Variants in GBE1 observed in about 807,000 individuals in gnomAD.
GBE1 encodes 1,4-alpha-glucan-branching enzyme.
In GBE1, 70 loss-of-function variants were observed where a neutral mutation model predicts 88.8. That is an observed-to-expected ratio of 0.79 (90% CI 0.65 to 0.96). The LOEUF is 0.96. GBE1 is among the 40% of genes least tolerant of loss of function. The pLI is 0.00. For synonymous variants in GBE1, 284 were observed against 300.1 expected (o/e 0.95, Z 0.56); for missense variants, 872 against 871.0 (o/e 1.00, Z -0.01).
At chr3:81,560,862 T>C (rs1478541797) in intron 12 of GBE1, among the ~76,000 whole-genome samples, 2 of 152,060 alleles carry the variant, frequency 1.3e-5, no homozygotes, top group East Asian at 3.8e-4. Context: ...TTTTGTTAAT[T>C]GTAGACGTAT....
chr3:81,551,327 G>A (rs533969186), intron 12 of GBE1, among the ~76,000 whole-genome samples: 9 of 152,130 alleles, frequency 5.9e-5, no homozygotes, highest in Admixed American at 1.3e-4. Flanking sequence ...AACATGATGG[G>A]GGGTGCTGGA....
chr3:81,591,037 C>A lies in GBE1; in HGVS notation c.1236G>T (p.Glu412Asp). The change falls in exon 9 of 16, where the codon GAG becomes GAT. Residue 412 changes from glutamate (E) to aspartate (D), a missense_variant and splice_region_variant. Physicochemically the swap from Glu to Asp is conservative, Grantham distance 45. Transcript: ENST00000429644. ...TLCPDSITIA[E>D]DVSGMPALCS... is the part of the protein sequence containing the mutation. ...AGGTAAGACTTCACTATGGCTTTACCTCAGCTATTGTTATAGAATCGGGAC... is the reference window on the plus strand; with the variant it reads ...AGGTAAGACTTCACTATGGCTTTACATCAGCTATTGTTATAGAATCGGGAC... 1.2e-6 allele frequency: 2 copies of A among 1,605,798 alleles called. No homozygotes were observed. The highest frequency in any genetic ancestry group is 1.1e-5 in the South Asian group (1 of 89,418).
chr3:81,622,144 C>G (rs996206789), intron 7 of GBE1, among the ~76,000 whole-genome samples: 1 of 152,170 alleles, frequency 6.6e-6, no homozygotes, highest in Non-Finnish European at 1.5e-5. Flanking sequence ...TCTACACTTG[C>G]TGCCTTCACT....
At chr3:81,750,127 G>C (rs1257555165) in intron 1 of GBE1, among the ~76,000 whole-genome samples, 1 of 152,068 alleles carries the variant, frequency 6.6e-6, no homozygotes, top group South Asian at 2.1e-4. Flanking sequence ...CAAGAGGATG[G>C]AAGACTCCAA....
chr3:81,669,325 C>A (rs1705156187), intron 3 of GBE1, among the ~76,000 whole-genome samples: 1 of 151,898 alleles, frequency 6.6e-6, no homozygotes, highest in African/African-American at 2.4e-5. Context: ...AGGAAACAGG[C>A]AGAAAAAATT....
chr3:81,660,621 C>G (rs1165515299), intron 3 of GBE1, among the ~76,000 whole-genome samples: 2 of 151,774 alleles, frequency 1.3e-5, no homozygotes, highest in East Asian at 3.9e-4. Context: ...TTCATGAGAA[C>G]ATATAATTTT....
At chr3:81,681,027 G>C (rs895979927) in intron 2 of GBE1, among the ~76,000 whole-genome samples, 1 of 152,226 alleles carries the variant, frequency 6.6e-6, no homozygotes, top group African/African-American at 2.4e-5. Flanking sequence ...GTTTTGGTCT[G>C]AACCTGACTA....
In GBE1 at chr3:81,750,697, A is replaced by ATT. The variant is rs68113250; in HGVS notation, c.143+10676_143+10677dup. Reference sequence around the variant, plus strand: ...TACGTATATATATATATATATATGTATTTTTTTTTTTTTGGCTCTGTCGCC... The same window carrying ATT: ...TACGTATATATATATATATATATGTATTTTTTTTTTTTTTTGGCTCTGTCGCC... On this transcript the variant is annotated intron_variant, in intron 1 of 15. Transcript: ENST00000429644. 4.8e-4 allele frequency among the ~76,000 whole-genome samples: 38 copies of ATT among 78,948 alleles called. 6 individuals carry two copies. The highest frequency in any genetic ancestry group is 6.9e-4 in the Admixed American group (5 of 7,256). 51.8% of individuals were successfully genotyped at this position (78,948 alleles called of 152,430 possible).
chr3:81,687,271 A>T (rs1286200812), intron 2 of GBE1, among the ~76,000 whole-genome samples: 1 of 152,214 alleles, frequency 6.6e-6, no homozygotes, highest in African/African-American at 2.4e-5. Flanking sequence ...AGGGAAAGAA[A>T]GCAGCAGATG....
At chr3:81,741,756 C>T (rs895031643) in intron 1 of GBE1, among the ~76,000 whole-genome samples, 56 of 149,062 alleles carry the variant, frequency 3.8e-4, no homozygotes, top group Non-Finnish European at 6.2e-4. Context: ...AAGTATAATA[C>T]TCTATATAAT....
At chr3:81,613,598 T>C (rs1201267812) in intron 7 of GBE1, among the ~76,000 whole-genome samples, 1 of 151,506 alleles carries the variant, frequency 6.6e-6, no homozygotes, top group African/African-American at 2.4e-5. Flanking sequence ...AAGGGGTGAG[T>C]TTGAGACGTT....
intron 7 of GBE1, among the ~76,000 whole-genome samples, chr3:81,599,394 G>A (rs1429464178): frequency 1.3e-5 from 2 of 151,994 alleles, no homozygotes; most frequent in East Asian, 1.9e-4. Flanking sequence ...TAGTCGGATA[G>A]GATGGAAAAA....
At chr3:81,665,719 A>G (rs1165579245) in intron 3 of GBE1, among the ~76,000 whole-genome samples, 1 of 152,188 alleles carries the variant, frequency 6.6e-6, no homozygotes, top group East Asian at 1.9e-4. Context: ...AGGAGTACAC[A>G]GAAAAAACAA....
intron 7 of GBE1, among the ~76,000 whole-genome samples, chr3:81,630,634 T>A (rs574262661): frequency 6.6e-6 from 1 of 152,242 alleles, no homozygotes; most frequent in African/African-American, 2.4e-5. Context: ...TAAATACACA[T>A]CAACTATTTC....
chr3:81,560,616 T>C (rs1216954310), intron 12 of GBE1, among the ~76,000 whole-genome samples: 1 of 151,962 alleles, frequency 6.6e-6, no homozygotes, highest in Non-Finnish European at 1.5e-5. Context: ...CACCTCCACA[T>C]GGTCATCTCT....
intron 12 of GBE1, among the ~76,000 whole-genome samples, chr3:81,566,921 G>C (rs1703503420): frequency 6.6e-6 from 1 of 152,004 alleles, no homozygotes; most frequent in Non-Finnish European, 1.5e-5. Flanking sequence ...CCTTTGAATA[G>C]GCCTTTTCTG....
chr3:81,506,250 C>A (rs1244920941), intron 14 of GBE1, among the ~76,000 whole-genome samples: 1 of 152,022 alleles, frequency 6.6e-6, no homozygotes, highest in African/African-American at 2.4e-5. Context: ...AGGCAAAGGA[C>A]ATGAACAGAC....
intron 2 of GBE1, among the ~76,000 whole-genome samples, chr3:81,701,650 C>A (rs1025545026): frequency 2.0e-5 from 3 of 152,062 alleles, no homozygotes; most frequent in Admixed American, 6.6e-5. Flanking sequence ...TTATCCCCAA[C>A]AAGCCAGAGG....
intron 1 of GBE1, among the ~76,000 whole-genome samples, chr3:81,706,994 T>G (rs1366785948): frequency 6.6e-6 from 1 of 150,880 alleles, no homozygotes; most frequent in Non-Finnish European, 1.5e-5. Flanking sequence ...ATACCCAACA[T>G]AGACAAAAAA....
Sources: gnomAD v4.1 joint callset for allele counts (sites outside exome capture counted in the v4.1 genomes callset) on GRCh38, gnomAD v4.1.1 for gene constraint, MANE v1.5 for transcripts, NCBI Gene and HGNC (gene_info 2026-07-23, HGNC 2026-07-21) for gene names.